ATP9B: variants seen among roughly 807,000 people sequenced by gnomAD.
The protein encoded by ATP9B is ATPase phospholipid transporting 9B.
In ATP9B, 110 loss-of-function variants were observed where a neutral mutation model predicts 146.1. That is an observed-to-expected ratio of 0.75 (90% CI 0.65 to 0.88). The LOEUF (loss-of-function observed/expected upper bound fraction) is 0.88. Among genes scored for constraint, ATP9B ranks in the 40% least tolerant of loss-of-function variants. The pLI, the probability that ATP9B is intolerant of heterozygous loss-of-function variation, is 0.00. For synonymous variants in ATP9B, 604 were observed against 569.7 expected, an observed-to-expected ratio of 1.06 and a Z score of -0.86; for missense variants, 1,499 against 1,496.4, an observed-to-expected ratio of 1.00 and a Z score of -0.03.
At chr18:79,094,932 C>T (rs1448755265) in intron 1 of ATP9B, among the ~76,000 whole-genome samples, 1 of 152,136 alleles carries the variant, frequency 6.6e-6, no homozygotes, top group African/African-American at 2.4e-5. Context: ...ATACGCGTAC[C>T]TTCATATCAC....
intron 15 of ATP9B, among the ~76,000 whole-genome samples, chr18:79,312,177 G>A (rs2096656349): frequency 6.6e-6 from 1 of 152,166 alleles, no homozygotes; most frequent in African/African-American, 2.4e-5. Context: ...TTCAACCAGT[G>A]CCCCATCCAA....
At chr18:79,371,812 T>C (rs182825391) in intron 26 of ATP9B, among the ~76,000 whole-genome samples, 12 of 152,322 alleles carry the variant, frequency 7.9e-5, no homozygotes, top group African/African-American at 2.9e-4. Context: ...CCACTTCCTG[T>C]CCTTAGGAGA....
chr18:79,376,334 A>C, intron 29 of ATP9B: 1 of 985,226 alleles, frequency 1.0e-6, no homozygotes. Context: ...AAATTCTGCC[A>C]CAGAGTGTTG....
intron 13 of ATP9B, among the ~76,000 whole-genome samples, chr18:79,289,390 C>T (rs956261015): frequency 6.6e-6 from 1 of 152,202 alleles, no homozygotes; most frequent in Admixed American, 6.5e-5. Flanking sequence ...GATACCCTTT[C>T]TTCCAGTTGA....
intron 26 of ATP9B, among the ~76,000 whole-genome samples, chr18:79,364,741 C>A (rs986123131): frequency 6.6e-6 from 1 of 152,084 alleles, no homozygotes; most frequent in Non-Finnish European, 1.5e-5. Flanking sequence ...AAAGTTTTGG[C>A]CAGGTGCAGT....
chr18:79,129,198 A>C (rs2094337149), intron 5 of ATP9B, among the ~76,000 whole-genome samples: 2 of 152,156 alleles, frequency 1.3e-5, no homozygotes, highest in Admixed American at 1.3e-4. Flanking sequence ...CAGTCAAGCC[A>C]GATAGTAGAG....
At chr18:79,341,374 GA>G in intron 19 of ATP9B, among the ~76,000 whole-genome samples, 3 of 108,334 alleles carry the variant, frequency 2.8e-5, no homozygotes, top group Non-Finnish European at 1.9e-5. Context: ...GTTGTGGTTG[GA>G]TGTGTGTAGC....
chr18:79,263,810 C>T (rs11663036), intron 12 of ATP9B, among the ~76,000 whole-genome samples: 8 of 152,198 alleles, frequency 5.3e-5, no homozygotes, highest in Non-Finnish European at 1.0e-4. Flanking sequence ...GCAGGCCGGG[C>T]GCGTTGGCTC....
intron 25 of ATP9B, 52 bp downstream of exon 25, chr18:79,348,248 GAAAAA>G (rs56654324): frequency 0.42 from 348,461 of 824,940 alleles, 33,978 homozygotes; most frequent in Middle Eastern, 0.46. Flanking sequence ...CTTCTATTTT[GAAAAA>G]AAAAAAAAAA....
chr18:79,273,703 G>A (rs1234789991), intron 12 of ATP9B, among the ~76,000 whole-genome samples: 1 of 152,204 alleles, frequency 6.6e-6, no homozygotes, highest in Admixed American at 6.5e-5. Context: ...AGCAAGCATC[G>A]TGGTGCCTAA....
intron 10 of ATP9B, among the ~76,000 whole-genome samples, chr18:79,213,036 A>G (rs1366089435): frequency 6.6e-6 from 1 of 152,178 alleles, no homozygotes; most frequent in Admixed American, 6.5e-5. Flanking sequence ...GTTCATATCA[A>G]TCATCTTTAC....
At position 79,224,209 on chromosome 18, in the gene ATP9B, C is replaced by A. The variant is rs2095707685; in HGVS notation, c.1107+10171C>A. ...TTCATAATTGTCTTTATTTTTTGAA[C>A]TCCTTGATTCCTTACCCCTGTGCCA... On this transcript the variant is annotated intron_variant, in intron 11 of 29. Transcript: ENST00000426216. 3.3e-5 allele frequency among the ~76,000 whole-genome samples: 5 copies of A among 152,258 alleles called. No homozygotes were observed. The South Asian group carries it at 1.0e-3, about 32-fold the overall frequency.
chr18:79,269,711 T>C (rs1376381352), intron 12 of ATP9B, among the ~76,000 whole-genome samples: 1 of 152,246 alleles, frequency 6.6e-6, no homozygotes, highest in Admixed American at 6.5e-5. Context: ...TGGAGGTTCA[T>C]TTCCTAAGAC....
intron 5 of ATP9B, among the ~76,000 whole-genome samples, chr18:79,141,252 G>A (rs561355141): frequency 1.3e-5 from 2 of 152,256 alleles, no homozygotes; most frequent in Non-Finnish European, 2.9e-5. Context: ...ATGTGAAGAA[G>A]GACGTGTTTG....
At chr18:79,133,508 AACACACACACACACAC>A (rs370697424) in intron 5 of ATP9B, among the ~76,000 whole-genome samples, 4 of 147,892 alleles carry the variant, frequency 2.7e-5, no homozygotes, top group African/African-American at 9.9e-5. Flanking sequence ...AGTGGTTATA[AACACACACACACACAC>A]ACACACACAC....
At chr18:79,221,311 A>G (rs1344574346) in intron 11 of ATP9B, among the ~76,000 whole-genome samples, 4 of 152,174 alleles carry the variant, frequency 2.6e-5, no homozygotes. Flanking sequence ...GAGCATCCTC[A>G]GCTCCTGGAA....
At chr18:79,157,505 G>C (rs2094813529) in intron 7 of ATP9B, among the ~76,000 whole-genome samples, 1 of 151,492 alleles carries the variant, frequency 6.6e-6, no homozygotes, top group Non-Finnish European at 1.5e-5. Context: ...GGCCTTAGTG[G>C]AATGAGTTAA....
At chr18:79,186,132 T>G (rs2148055503) in intron 8 of ATP9B, among the ~76,000 whole-genome samples, 1 of 152,308 alleles carries the variant, frequency 6.6e-6, no homozygotes, top group African/African-American at 2.4e-5. Flanking sequence ...ACAGTAACTT[T>G]CAATAAATCA....
intron 1 of ATP9B, among the ~76,000 whole-genome samples, chr18:79,083,440 C>T (rs1467605506): frequency 3.9e-5 from 6 of 152,100 alleles, no homozygotes; most frequent in East Asian, 3.9e-4. Flanking sequence ...GCATTCCAGG[C>T]GCCACTGGGG....
Sources: gnomAD v4.1 joint callset for allele counts (sites outside exome capture counted in the v4.1 genomes callset) on GRCh38, gnomAD v4.1.1 for gene constraint, MANE v1.5 for transcripts, NCBI Gene and HGNC (gene_info 2026-07-23, HGNC 2026-07-21) for gene names.